Variants in SORCS3 observed in about 807,000 individuals in gnomAD.
The protein encoded by SORCS3 is VPS10 domain-containing receptor SorCS3.
SORCS3 carries 57 observed loss-of-function variants against 146.3 expected under a neutral mutation model. The observed-to-expected ratio is 0.39, with a 90% CI of 0.31 to 0.49. SORCS3 has a LOEUF of 0.49. SORCS3 is among the 20% of genes least tolerant of loss of function. The pLI is 0.92. For synonymous variants in SORCS3, 653 were observed against 618.5 expected (o/e 1.06, Z -0.83); for missense variants, 1,341 against 1,575.5 (o/e 0.85, Z 2.52).
At chr10:105,092,581 G>C (rs958296001) in intron 6 of SORCS3, among the ~76,000 whole-genome samples, 2 of 148,868 alleles carry the variant, frequency 1.3e-5, no homozygotes, top group African/African-American at 5.0e-5. Context: ...TATGCAATGA[G>C]TGCTCCCTCA....
At chr10:104,757,107 A>G (rs1308402934) in intron 1 of SORCS3, among the ~76,000 whole-genome samples, 1 of 142,368 alleles carries the variant, frequency 7.0e-6, no homozygotes, top group Admixed American at 7.3e-5. Context: ...ATTATAGCTC[A>G]CAAAAGTTTG....
chr10:104,855,776 C>T (rs1392842810), intron 2 of SORCS3, among the ~76,000 whole-genome samples: 1 of 151,838 alleles, frequency 6.6e-6, no homozygotes, highest in Non-Finnish European at 1.5e-5. Context: ...TACTCTATCA[C>T]CCAAGCTGGA....
At chr10:104,795,311 ACAC>A (rs1192459748) in intron 1 of SORCS3, among the ~76,000 whole-genome samples, 3 of 152,232 alleles carry the variant, frequency 2.0e-5, no homozygotes. Flanking sequence ...GGCAGTTCAA[ACAC>A]TATGAATGGC....
At chr10:104,840,567 A>G (rs2018126461) in intron 1 of SORCS3, among the ~76,000 whole-genome samples, 1 of 152,192 alleles carries the variant, frequency 6.6e-6, no homozygotes, top group African/African-American at 2.4e-5. Context: ...TCCCCCATGT[A>G]TAGCCCAGTG....
intron 1 of SORCS3, among the ~76,000 whole-genome samples, chr10:104,745,265 C>T (rs1490356540): frequency 6.6e-6 from 1 of 152,124 alleles, no homozygotes; most frequent in African/African-American, 2.4e-5. Flanking sequence ...TATCTTACAG[C>T]TGTTTTCTAC....
At chr10:104,876,760 T>TCTCC (rs2018578281) in intron 2 of SORCS3, among the ~76,000 whole-genome samples, 3 of 119,392 alleles carry the variant, frequency 2.5e-5, no homozygotes, top group Non-Finnish European at 5.1e-5. Context: ...TCTTTCTTTC[T>TCTCC]CTTCCTTCCT....
At position 105,031,331 on chromosome 10, in the gene SORCS3, A is replaced by AC. The variant is rs1491217930; in HGVS notation, c.955-11724_955-11723insC. ...ACAAACAAACAACACACACACACACAAACACACACACACACACACACACAC... is the reference window on the plus strand; with the variant it reads ...ACAAACAAACAACACACACACACACACAACACACACACACACACACACACAC... On this transcript the variant is annotated intron_variant, in intron 4 of 26. Coordinates refer to ENST00000369701, the MANE Select transcript of SORCS3 (RefSeq NM_014978.3). Among the ~76,000 whole-genome samples, 577 of 75,354 alleles carry AC rather than the reference A, an allele frequency of 7.7e-3. 6 individuals carry two copies. Among genetic ancestry groups the AC allele is most frequent in the African/African-American group, 0.046 (535 of 11,712 alleles). The allele number at this position is 75,354 out of a possible 152,430, so 49.4% of individuals were successfully genotyped here.
intron 2 of SORCS3, among the ~76,000 whole-genome samples, chr10:104,883,998 C>T (rs112685996): frequency 1.3e-5 from 2 of 151,864 alleles, no homozygotes; most frequent in African/African-American, 4.8e-5. Flanking sequence ...AGGGTCCTAC[C>T]CTATCTGTTG....
intron 3 of SORCS3, 130 bp from the exon 4 acceptor site, chr10:104,977,205 T>G: frequency 3.3e-6 from 2 of 610,990 alleles, no homozygotes; most frequent in Non-Finnish European, 4.8e-6. Context: ...CAAGTATTTT[T>G]TACAGAGGCC....
chr10:104,883,104 G>T (rs1011029963), intron 2 of SORCS3, among the ~76,000 whole-genome samples: 1 of 152,156 alleles, frequency 6.6e-6, no homozygotes, highest in African/African-American at 2.4e-5. Context: ...AGTGGATGTC[G>T]GGAAGATTCC....
At chr10:104,989,267 C>CA (rs2054980278) in intron 4 of SORCS3, among the ~76,000 whole-genome samples, 1 of 152,180 alleles carries the variant, frequency 6.6e-6, no homozygotes, top group African/African-American at 2.4e-5. Flanking sequence ...GTATTAATGT[C>CA]AGGAAGATGA....
chr10:105,247,875 T>C (rs2056876670), intron 22 of SORCS3, among the ~76,000 whole-genome samples: 1 of 152,198 alleles, frequency 6.6e-6, no homozygotes, highest in South Asian at 2.1e-4. Flanking sequence ...TATGAATTTG[T>C]TTGAGATAGG....
At chr10:104,855,716 A>AGT (rs58569291) in intron 2 of SORCS3, among the ~76,000 whole-genome samples, 28 of 150,752 alleles carry the variant, frequency 1.9e-4, no homozygotes, top group East Asian at 7.8e-4. Context: ...TTTGCTTTTG[A>AGT]GTGTGTGTGT....
At chr10:104,864,359 C>G (rs564231162) in intron 2 of SORCS3, among the ~76,000 whole-genome samples, 1 of 152,288 alleles carries the variant, frequency 6.6e-6, no homozygotes, top group East Asian at 1.9e-4. Context: ...CCTGGGGTGA[C>G]TGGATGAATA....
intron 1 of SORCS3, among the ~76,000 whole-genome samples, chr10:104,663,755 C>T (rs1031250892): frequency 2.0e-4 from 30 of 152,218 alleles, no homozygotes; most frequent in African/African-American, 6.5e-4. Context: ...CTAGGACAGA[C>T]TTTGAACACA....
intron 7 of SORCS3, among the ~76,000 whole-genome samples, chr10:105,121,676 G>T (rs115906463): frequency 0.011 from 1,636 of 152,240 alleles, 32 homozygotes; most frequent in African/African-American, 0.036. Flanking sequence ...TTTCAATTTT[G>T]TTTCATATCA....
intron 5 of SORCS3, among the ~76,000 whole-genome samples, chr10:105,052,785 C>G (rs1279180784): frequency 6.6e-6 from 1 of 151,878 alleles, no homozygotes; most frequent in Admixed American, 6.6e-5. Flanking sequence ...GGAGAAAGTA[C>G]CAAATTGAAG....
intron 1 of SORCS3, among the ~76,000 whole-genome samples, chr10:104,808,357 A>G (rs1039755112): frequency 2.0e-5 from 3 of 152,240 alleles, no homozygotes; most frequent in Non-Finnish European, 2.9e-5. Context: ...AAAATAGTGG[A>G]TAGAAATAAA....
At chr10:105,153,007 T>C (rs2056178477) in intron 9 of SORCS3, among the ~76,000 whole-genome samples, 2 of 152,204 alleles carry the variant, frequency 1.3e-5, no homozygotes, top group African/African-American at 4.8e-5. Flanking sequence ...GTATAAGTTC[T>C]GTGAGTTTTG....
Sources: gnomAD v4.1 joint callset for allele counts (sites outside exome capture counted in the v4.1 genomes callset) on GRCh38, gnomAD v4.1.1 for gene constraint, MANE v1.5 for transcripts, NCBI Gene and HGNC (gene_info 2026-07-23, HGNC 2026-07-21) for gene names.